RAB5A: variants seen among roughly 807,000 people sequenced by gnomAD.
The protein encoded by RAB5A is ras-related protein Rab-5A.
In RAB5A, 8 loss-of-function variants were observed where a neutral mutation model predicts 25.7. That is an observed-to-expected ratio of 0.31 (90% CI 0.18 to 0.56). RAB5A has a LOEUF of 0.56. RAB5A is among the 20% of genes least tolerant of loss of function. The pLI, the probability that RAB5A is intolerant of heterozygous loss-of-function variation, is 0.91. For missense variants in RAB5A, 192 were observed against 259.7 expected, an observed-to-expected ratio of 0.74 and a Z score of 1.79; for synonymous variants, 98 against 89.8, an observed-to-expected ratio of 1.09 and a Z score of -0.52.
chr3:19,966,642 TTC>T (rs538500103), intron 2 of RAB5A, among the ~76,000 whole-genome samples: 54 of 152,220 alleles, frequency 3.5e-4, no homozygotes, highest in Non-Finnish European at 5.4e-4. Flanking sequence ...TGCAAAGCAG[TTC>T]CAGTTTCTCC....
Position 19,984,276 on chromosome 3 carries a change from A to G in RAB5A, c.*453A>G, listed in dbSNP as rs1321690735. 1.2e-5 allele frequency: 5 copies of G among 429,934 alleles called. No individual in the cohort carries two copies. Among genetic ancestry groups the G allele is most frequent in the Non-Finnish European group, 2.3e-5 (5 of 220,138 alleles). 26.6% of individuals were successfully genotyped at this position (429,934 alleles called of 1,614,324 possible). On this transcript the variant is annotated 3_prime_UTR_variant, in exon 6 of 6. Coordinates refer to ENST00000273047, the MANE Select transcript of RAB5A (RefSeq NM_004162.5). Reference sequence around the variant, plus strand: ...GATGCTTAGCCATAGTATTCAGGCAAATGTTCATTTCTCCTGGTACCTGTA... The same window carrying G: ...GATGCTTAGCCATAGTATTCAGGCAGATGTTCATTTCTCCTGGTACCTGTA...
chr3:19,970,487 C>T (rs1696734074), intron 2 of RAB5A: 1 of 452,060 alleles, frequency 2.2e-6, no homozygotes, highest in African/African-American at 2.0e-5. Context: ...GCCTATCAGA[C>T]AGGCCAGCAC....
chr3:19,971,213 A>AAAAC (rs1553639430), intron 2 of RAB5A, among the ~76,000 whole-genome samples: 16 of 146,260 alleles, frequency 1.1e-4, no homozygotes, highest in African/African-American at 4.0e-4. Flanking sequence ...AAAAAAAAAA[A>AAAAC]AACACTATAG....
rs1696315633 is a variant in RAB5A at position 19,947,225 on chromosome 3, A to T, written c.-390A>T. On this transcript the variant is annotated 5_prime_UTR_variant, in exon 1 of 6. Transcript: ENST00000273047. ...GGCGGCTGGCCTTAGGGGAGGAGGCAGAGGGAGGAGGAGGAGGAAGAATTA... is the reference window on the plus strand; with the variant it reads ...GGCGGCTGGCCTTAGGGGAGGAGGCTGAGGGAGGAGGAGGAGGAAGAATTA... 4 of 172,338 alleles carry T rather than the reference A, an allele frequency of 2.3e-5. No individual in the cohort carries two copies. The South Asian group carries it at 4.9e-4, about 21-fold the overall frequency. 10.7% of individuals were successfully genotyped at this position (172,338 alleles called of 1,614,324 possible).
chr3:19,949,045 G>C (rs1357424183), intron 1 of RAB5A, among the ~76,000 whole-genome samples: 1 of 152,156 alleles, frequency 6.6e-6, no homozygotes, highest in Non-Finnish European at 1.5e-5. Context: ...CATCAGCTAT[G>C]CAAGTTAGAT....
At chr3:19,947,593 C>G (rs931928436) in intron 1 of RAB5A, 72 bp downstream of exon 1, 1 of 152,490 alleles carries the variant, frequency 6.6e-6, no homozygotes, top group Non-Finnish European at 1.5e-5. Flanking sequence ...CCAGCCTGTC[C>G]GCGGCCCTGC....
intron 2 of RAB5A, among the ~76,000 whole-genome samples, chr3:19,966,866 A>G (rs1303333560): frequency 6.6e-6 from 1 of 152,090 alleles, no homozygotes; most frequent in Non-Finnish European, 1.5e-5. Context: ...GTGCAGTAGC[A>G]TGATCACAGC....
At chr3:19,982,459 G>T (rs1178317490) in intron 5 of RAB5A, among the ~76,000 whole-genome samples, 2 of 152,124 alleles carry the variant, frequency 1.3e-5, no homozygotes, top group African/African-American at 4.8e-5. Flanking sequence ...CCAAAGCATA[G>T]ATTATAATTG....
chr3:19,969,030 G>GTTTTTTTTTTTTTTTTTTTTTTTTT, intron 2 of RAB5A, among the ~76,000 whole-genome samples: 1 of 112,150 alleles, frequency 8.9e-6, no homozygotes, highest in Non-Finnish European at 1.7e-5. Flanking sequence ...TTTTGGTTTT[G>GTTTTTTTTTTTTTTTTTTTTTTTTT]GTTTTTTTTT....
At chr3:19,948,324 A>C (rs1696363136) in intron 1 of RAB5A, among the ~76,000 whole-genome samples, 1 of 152,238 alleles carries the variant, frequency 6.6e-6, no homozygotes, top group South Asian at 2.1e-4. Flanking sequence ...ATAAGAAAAA[A>C]ACACTTGTAC....
chr3:19,961,529 C>T (rs1696584783), intron 2 of RAB5A, among the ~76,000 whole-genome samples: 1 of 152,074 alleles, frequency 6.6e-6, no homozygotes, highest in Non-Finnish European at 1.5e-5. Flanking sequence ...ATTTTGAGAA[C>T]AAAAGAATAT....
chr3:19,950,206 C>T (rs973266298), intron 1 of RAB5A, among the ~76,000 whole-genome samples: 2 of 152,032 alleles, frequency 1.3e-5, no homozygotes, highest in East Asian at 1.9e-4. Context: ...TTAAGTCTGC[C>T]GTTAGGCACA....
chr3:19,954,036 A>G (rs897768588), intron 2 of RAB5A, among the ~76,000 whole-genome samples: 1 of 151,850 alleles, frequency 6.6e-6, no homozygotes, highest in Non-Finnish European at 1.5e-5. Context: ...TTTTTTTGAG[A>G]CGGAATTTCA....
chr3:19,961,010 A>G (rs1696576847), intron 2 of RAB5A, among the ~76,000 whole-genome samples: 1 of 152,206 alleles, frequency 6.6e-6, no homozygotes, highest in Admixed American at 6.5e-5. Context: ...AATATATTCC[A>G]CCTAGTTACT....
At chr3:19,955,793 A>G (rs12486406) in intron 2 of RAB5A, among the ~76,000 whole-genome samples, 30,911 of 151,980 alleles carry the variant, frequency 0.2, 3,806 homozygotes, top group African/African-American at 0.34. Flanking sequence ...TGGGAGGCTG[A>G]GGCAGGAGAT....
At position 19,976,993 on chromosome 3, in the gene RAB5A, C is replaced by T. The variant is rs575302763; in HGVS notation, c.438+824C>T. Among the ~76,000 whole-genome samples, 14 of 151,664 alleles carry T rather than the reference C, an allele frequency of 9.2e-5. 1 individual carries two copies. In the South Asian group the frequency reaches 1.9e-3, roughly 20 times the overall value. ...GCTGAGAAAATCCAGTTTTGTATTA[C>T]GATTGCTAATTCAGAATGTTTGCTG... On this transcript the variant is annotated intron_variant, in intron 4 of 5. Transcript: ENST00000273047.
intron 5 of RAB5A, among the ~76,000 whole-genome samples, chr3:19,980,955 CA>C (rs985325989): frequency 5.3e-5 from 8 of 152,126 alleles, no homozygotes; most frequent in African/African-American, 1.9e-4. Context: ...AAAAGGTTCA[CA>C]ATGCAACTAG....
At chr3:19,981,682 T>A (rs1696930732) in intron 5 of RAB5A, among the ~76,000 whole-genome samples, 1 of 151,962 alleles carries the variant, frequency 6.6e-6, no homozygotes, top group Admixed American at 6.6e-5. Context: ...AGCCCCATTG[T>A]AAGTCAAGGA....
At chr3:19,976,834 CCA>C (rs1275267572) in intron 4 of RAB5A, among the ~76,000 whole-genome samples, 2 of 152,120 alleles carry the variant, frequency 1.3e-5, no homozygotes, top group African/African-American at 4.8e-5. Flanking sequence ...TGTGTGTACC[CCA>C]CATATGTACA....
Sources: gnomAD v4.1 joint callset for allele counts (sites outside exome capture counted in the v4.1 genomes callset) on GRCh38, gnomAD v4.1.1 for gene constraint, MANE v1.5 for transcripts, NCBI Gene and HGNC (gene_info 2026-07-23, HGNC 2026-07-21) for gene names.